Variants in MYDGF observed in about 807,000 individuals in gnomAD.
The protein encoded by MYDGF is myeloid-derived growth factor.
A neutral mutation model predicts 24.2 loss-of-function variants in MYDGF; 29 were observed. The observed-to-expected ratio is 1.20, with a 90% CI of 0.89 to 1.63. MYDGF has a LOEUF of 1.63. Among genes scored for constraint, MYDGF ranks in the 40% most tolerant of loss-of-function variants. The pLI is 0.00. For synonymous variants in MYDGF, 105 were observed against 102.5 expected, an observed-to-expected ratio of 1.02 and a Z score of -0.15; for missense variants, 245 against 234.8, an observed-to-expected ratio of 1.04 and a Z score of -0.29.
chr19:4,665,047 T>C (rs904200423), intron 2 of MYDGF, 110 bp from the exon 3 acceptor site: 24 of 1,218,402 alleles, frequency 2.0e-5, no homozygotes, highest in Non-Finnish European at 2.7e-5. Flanking sequence ...ACCTCCCGAT[T>C]CAGGGGCTGG....
chr19:4,660,955 T>G (rs1485229269), intron 3 of MYDGF, among the ~76,000 whole-genome samples: 1 of 146,968 alleles, frequency 6.8e-6, no homozygotes, highest in African/African-American at 2.4e-5. Flanking sequence ...CTCTTTCTTT[T>G]GTGCCAGAAT....
chr19:4,666,707 A>G (rs772365483), intron 2 of MYDGF, among the ~76,000 whole-genome samples: 23 of 152,188 alleles, frequency 1.5e-4, no homozygotes, highest in Non-Finnish European at 2.6e-4. Context: ...CCCTCAATCC[A>G]TTAGTACGGG....
chr19:4,666,427 C>T (rs2088521999), intron 2 of MYDGF, among the ~76,000 whole-genome samples: 1 of 152,048 alleles, frequency 6.6e-6, no homozygotes, highest in Non-Finnish European at 1.5e-5. Context: ...AGGCGCGTGC[C>T]ACCACGCCCT....
chr19:4,669,044 T>C (rs756664487), intron 1 of MYDGF, among the ~76,000 whole-genome samples: 11 of 152,168 alleles, frequency 7.2e-5, no homozygotes, highest in Non-Finnish European at 1.3e-4. Flanking sequence ...GGTTTTGCCA[T>C]GGGACCTGGA....
chr19:4,669,630 T>C (rs2088547716), intron 1 of MYDGF, among the ~76,000 whole-genome samples: 1 of 152,116 alleles, frequency 6.6e-6, no homozygotes, highest in Non-Finnish European at 1.5e-5. Context: ...GATACTGTTA[T>C]TACAGGCGGG....
intron 2 of MYDGF, among the ~76,000 whole-genome samples, chr19:4,665,600 T>C (rs1206598533): frequency 6.6e-6 from 1 of 151,856 alleles, no homozygotes; most frequent in African/African-American, 2.4e-5. Flanking sequence ...GGCAGGCAGA[T>C]CACGAGGTCA....
chr19:4,668,597 C>A lies in MYDGF; in HGVS notation c.223G>T (p.Glu75Ter). 6.2e-7 allele frequency: 1 copy of A among 1,611,416 alleles called. No individual in the cohort carries two copies. The highest frequency in any genetic ancestry group is 1.1e-5 in the South Asian group (1 of 91,030). The change falls in exon 2 of 6, where the codon GAG becomes TAG. Residue 75 changes from glutamate (E) to a stop codon, truncating the protein, a stop_gained and splice_region_variant. Transcript: ENST00000262947. LOFTEE classifies it high-confidence loss of function. ...AGAGGGAATTTTGAACAACTCACCT[C>A]ATTGGTCCCTCCTTGAGAGGCGTAA... is the stretch of plus-strand genomic sequence containing the variant. ...FTYASQGGTN[E>*]QWQMSLGTSE...
chr19:4,669,649 G>A (rs1333516088), intron 1 of MYDGF, among the ~76,000 whole-genome samples: 1 of 152,178 alleles, frequency 6.6e-6, no homozygotes, highest in African/African-American at 2.4e-5. Flanking sequence ...GGGAAAGGGA[G>A]GCTGAGAGGG....
intron 1 of MYDGF, among the ~76,000 whole-genome samples, chr19:4,669,050 C>T (rs1726845995): frequency 6.6e-6 from 1 of 152,108 alleles, no homozygotes; most frequent in East Asian, 1.9e-4. Flanking sequence ...GCCATGGGAC[C>T]TGGACAAGTG....
intron 2 of MYDGF, among the ~76,000 whole-genome samples, chr19:4,666,861 T>G (rs2088525339): frequency 6.6e-6 from 1 of 152,114 alleles, no homozygotes; most frequent in African/African-American, 2.4e-5. Context: ...AGGTCAGCAG[T>G]TCAAGATCAG....
At chr19:4,669,819 C>T (rs868441748) in intron 1 of MYDGF, among the ~76,000 whole-genome samples, 2 of 152,132 alleles carry the variant, frequency 1.3e-5, no homozygotes, top group Non-Finnish European at 2.9e-5. Context: ...TGCCCTTTAG[C>T]CTCCTGCCGC....
At chr19:4,668,166 A>G (rs552739141) in intron 2 of MYDGF, among the ~76,000 whole-genome samples, 2 of 152,298 alleles carry the variant, frequency 1.3e-5, no homozygotes, top group South Asian at 2.1e-4. Context: ...ACCTCAGGTG[A>G]TCTGCCCGCC....
chr19:4,666,048 T>A (rs2088519293), intron 2 of MYDGF, among the ~76,000 whole-genome samples: 1 of 151,562 alleles, frequency 6.6e-6, no homozygotes, highest in Non-Finnish European at 1.5e-5. Flanking sequence ...CTGGGCATGG[T>A]GGCTCATGCC....
In MYDGF at chr19:4,668,651, G is replaced by T; in HGVS notation, c.175-6C>A. 2 of 1,611,128 alleles carry T rather than the reference G, an allele frequency of 1.2e-6. No individual in the cohort carries two copies. The highest frequency in any genetic ancestry group is 4.5e-5 in the East Asian group (2 of 44,810). The stretch of plus-strand genomic sequence containing the variant: ...AACATACACGTATATTTGTCCTAGA[G>T]AATGGAAGGAAAAAAAAGGTTTGGT... On this transcript the variant is annotated splice_polypyrimidine_tract_variant and splice_region_variant and intron_variant, in intron 1 of 5. Transcript: ENST00000262947.
At chr19:4,669,511 GGGAGGCTGAGGCAGAA>G (rs2088546605) in intron 1 of MYDGF, among the ~76,000 whole-genome samples, 1 of 152,156 alleles carries the variant, frequency 6.6e-6, no homozygotes, top group Non-Finnish European at 1.5e-5. Context: ...CCAGGTACTG[GGGAGGCTGAGGCAGAA>G]GAATTGCTTG....
chr19:4,660,282 C>T (rs748301880), intron 4 of MYDGF, among the ~76,000 whole-genome samples: 20 of 152,076 alleles, frequency 1.3e-4, no homozygotes, highest in Non-Finnish European at 2.6e-4. Flanking sequence ...CATGCCAACA[C>T]GCCTGGCTAT....
intron 2 of MYDGF, among the ~76,000 whole-genome samples, chr19:4,665,638 G>C (rs2145187857): frequency 6.6e-6 from 1 of 151,750 alleles, no homozygotes; most frequent in South Asian, 2.1e-4. Flanking sequence ...TGGCTAACAT[G>C]ATGAAACCCC....
In MYDGF at chr19:4,658,049, A is replaced by T. The variant is rs1217993816; in HGVS notation, c.478T>A (p.Ser160Thr). The T allele has an allele frequency of 1.9e-6, 3 of 1,611,940 alleles. No homozygotes were observed. Among genetic ancestry groups the T allele is most frequent in the Middle Eastern group, 3.3e-4 (2 of 6,082 alleles). ...GCCTTGGCCACAATCACCAGCTTGG[A>T]CAGCTCAGCTTTGAATGCCCCGGGC... ...HRPGAFKAELSKLVIVAKASR... is the reference protein window; with the variant it reads ...HRPGAFKAELTKLVIVAKASR... Residue 160 changes from serine to threonine, a missense_variant, in exon 6 of 6, where the codon TCC becomes ACC. Coordinates refer to ENST00000262947, the MANE Select transcript of MYDGF (RefSeq NM_019107.4).
intron 2 of MYDGF, among the ~76,000 whole-genome samples, chr19:4,668,052 T>A (rs2088534389): frequency 6.6e-6 from 1 of 152,084 alleles, no homozygotes; most frequent in Non-Finnish European, 1.5e-5. Context: ...CTCAGCCTCC[T>A]GAGTAGCTGG....
Sources: allele counts gnomAD v4.1 joint callset (sites outside exome capture counted in the v4.1 genomes callset), GRCh38; gene constraint gnomAD v4.1.1; transcripts MANE v1.5; gene names NCBI Gene and HGNC (gene_info 2026-07-23, HGNC 2026-07-21).